The following PPP1R3F variants were observed in gnomAD, a reference collection of about 807,000 sequenced individuals.
PPP1R3F encodes protein phosphatase 1, regulatory (inhibitor) subunit 3F.
Under a neutral mutation model 24.2 loss-of-function variants are expected in PPP1R3F, and 29 were observed. The ratio of observed to expected loss-of-function variants is 1.20; its 90% CI spans 0.89 to 1.63. The LOEUF (loss-of-function observed/expected upper bound fraction) is 1.63, where lower values mean the gene tolerates loss of function less well. PPP1R3F is among the 40% of genes most tolerant of loss of function. The pLI, the probability that PPP1R3F is intolerant of heterozygous loss-of-function variation, is 0.00. For missense variants in PPP1R3F, 823 were observed against 729.3 expected (o/e 1.13, Z -1.48); for synonymous variants, 363 against 340.1 (o/e 1.07, Z -0.74).
At chrX:49,292,822 A>C (rs2066312770), downstream of PPP1R3F, among the ~76,000 whole-genome samples, 1 of 111,727 alleles carries the variant, frequency 9.0e-6, no homozygotes, top group Non-Finnish European at 1.9e-5. Context: ...CAGTCTCCTC[A>C]CCTGTGCAAT....
chrX:49,292,735 G>A (rs1034109740), downstream of PPP1R3F, among the ~76,000 whole-genome samples: 1 of 112,475 alleles, frequency 8.9e-6, no homozygotes, highest in Non-Finnish European at 1.9e-5. Flanking sequence ...GCTGTGGGGT[G>A]AGGCACGCCC....
Position 49,270,191 on chromosome X carries a change from C to A in PPP1R3F, c.322C>A (p.Pro108Thr). The change falls in exon 1 of 4, where the codon CCC (proline) becomes ACC (threonine). Residue 108 changes from proline to threonine, a missense_variant. Physicochemically the swap from Pro to Thr is conservative, Grantham distance 38. Transcript: ENST00000055335. ...CPEPSPLCPV[P>T]AGGGFYLVPT... ...CGAGCCCTCACCGCTGTGCCCCGTC[C>A]CCGCTGGCGGGGGGTTTTACCTGGT... is the stretch of plus-strand genomic sequence containing the variant. 9.1e-7 allele frequency: 1 copy of A among 1,096,587 alleles called. No individual in the cohort carries two copies. The highest frequency in any genetic ancestry group is 1.2e-6 in the Non-Finnish European group (1 of 847,019). 90.4% of individuals were successfully genotyped at this position (1,096,587 alleles called of 1,213,427 possible).
At position 49,270,483 on chromosome X, in the gene PPP1R3F, G is replaced by A; in HGVS notation, c.614G>A (p.Trp205Ter). Residue 205 changes from tryptophan to a stop codon, truncating the protein, a stop_gained, in exon 1 of 4, where the codon TGG becomes TAG. Transcript: ENST00000055335. LOFTEE classifies it high-confidence loss of function. ...CGCTACGTCCCGCGCAGCCCGCCGTGGGCAGGAGCGGGAGGAACAGGAGCA... is the reference window on the plus strand; with the variant it reads ...CGCTACGTCCCGCGCAGCCCGCCGTAGGCAGGAGCGGGAGGAACAGGAGCA... ...PARYVPRSPP[W>*]AGAGGTGAGD... The A allele has an allele frequency of 1.7e-6, 2 of 1,204,889 alleles. No homozygotes were observed. The highest frequency in any genetic ancestry group is 2.2e-6 in the Non-Finnish European group (2 of 894,854).
At chrX:49,295,782 C>CA (rs1185610587) in intron 3 of PPP1R3F, among the ~76,000 whole-genome samples, 1 of 102,822 alleles carries the variant, frequency 9.7e-6, no homozygotes, top group Non-Finnish European at 2.0e-5. Context: ...TTAAAAAAGA[C>CA]TTTTTTTTTT....
chrX:49,281,922 C>A, intron 2 of PPP1R3F, 59 bp from the exon 3 acceptor site: 1 of 931,443 alleles, frequency 1.1e-6, no homozygotes, highest in Non-Finnish European at 1.5e-6. Context: ...ATTTTCTTAA[C>A]AAAACCATAC....
Position 49,286,770 on chromosome X carries a change from G to C in PPP1R3F, c.2080G>C (p.Ala694Pro). The change falls in exon 4 of 4, where the codon GCC becomes CCC. Residue 694 changes from alanine (A) to proline (P), a missense_variant. Ala to Pro is a conservative substitution (Grantham distance 27). Coordinates refer to ENST00000055335, the MANE Select transcript of PPP1R3F (RefSeq NM_033215.5). The stretch of plus-strand genomic sequence containing the variant: ...GGATCCCATATCTGGCAAGGAGCCA[G>C]CCTCTCCCGTCCTTCTGCAGGGGCA... ...SLDPISGKEP[A>P]SPVLLQGQNP... is the part of the protein sequence containing the mutation. 8.3e-7 allele frequency: 1 copy of C among 1,202,747 alleles called. No homozygotes were observed.
At chrX:49,293,772 G>C (rs998767586) in intron 3 of PPP1R3F, among the ~76,000 whole-genome samples, 1 of 112,168 alleles carries the variant, frequency 8.9e-6, no homozygotes, top group Non-Finnish European at 1.9e-5. Context: ...GAGGTGGGAG[G>C]ATCACTTGAG....
intron 1 of PPP1R3F, among the ~76,000 whole-genome samples, chrX:49,276,161 A>G (rs1334490959): frequency 1.8e-5 from 2 of 112,882 alleles, no homozygotes; most frequent in African/African-American, 3.2e-5. Context: ...CTAGTGCTCC[A>G]GCTCTTAGCT....
downstream of PPP1R3F, among the ~76,000 whole-genome samples, chrX:49,291,288 T>TTCTCTCTCTCTCTCTCTCTCTCTCTCTC (rs781932322): frequency 1.2e-4 from 6 of 50,615 alleles, no homozygotes; most frequent in Admixed American, 2.0e-4. Flanking sequence ...CAGCCTACTT[T>TTCTCTCTCTCTCTCTCTCTCTCTCTCTC]TCTCTCTCTC....
In PPP1R3F at chrX:49,286,207, G is replaced by A; in HGVS notation, c.1517G>A (p.Gly506Asp). 1 of 1,206,682 alleles carries A rather than the reference G, an allele frequency of 8.3e-7. No individual in the cohort carries two copies. The highest frequency in any genetic ancestry group is 1.1e-6 in the Non-Finnish European group (1 of 893,092). Reference protein sequence around the residue: ...LSRLRAAVAAGGAGGGGEGST... With the variant: ...LSRLRAAVAADGAGGGGEGST... ...CGCCTACGGGCTGCTGTGGCTGCGG[G>A]TGGGGCAGGGGGTGGTGGGGAGGGC... Residue 506 changes from glycine to aspartate, a missense_variant, in exon 4 of 4, where the codon GGT (glycine) becomes GAT (aspartate). Transcript: ENST00000055335.
intron 3 of PPP1R3F, among the ~76,000 whole-genome samples, chrX:49,296,457 T>C (rs1569531201): frequency 9.0e-6 from 1 of 111,654 alleles, no homozygotes. Flanking sequence ...GTTAATCTTT[T>C]AAAAAAACCA....
intron 1 of PPP1R3F, among the ~76,000 whole-genome samples, chrX:49,276,985 T>A (rs1421971682): frequency 8.9e-6 from 1 of 112,540 alleles, no homozygotes; most frequent in African/African-American, 3.2e-5. Context: ...CTGCTGAGTT[T>A]CCCTTTGGGT....
intron 3 of PPP1R3F, among the ~76,000 whole-genome samples, chrX:49,282,670 G>A (rs2066256893): frequency 9.1e-6 from 1 of 109,332 alleles, no homozygotes; most frequent in African/African-American, 3.3e-5. Flanking sequence ...TAACGTGTGT[G>A]AGGGACAGTG....
intron 3 of PPP1R3F, among the ~76,000 whole-genome samples, chrX:49,282,443 C>G (rs905718156): frequency 5.4e-5 from 4 of 73,948 alleles, no homozygotes; most frequent in African/African-American, 2.2e-4. Context: ...GTGAGAGACT[C>G]TGTGTGTGTG....
Position 49,270,731 on chromosome X carries a change from G to T in PPP1R3F, c.862G>T (p.Ala288Ser). ...CAACTACACAGTCCTGCTCCGGATCGCACCCGCTCCCACACCCACTGATGC... is the reference window on the plus strand; with the variant it reads ...CAACTACACAGTCCTGCTCCGGATCTCACCCGCTCCCACACCCACTGATGC... The part of the protein sequence containing the change: ...GRNYTVLLRI[A>S]PAPTPTDAEG... The change falls in exon 1 of 4, where the codon GCA becomes TCA. Residue 288 changes from alanine to serine, a missense_variant. Transcript: ENST00000055335. 1 of 1,204,855 alleles carries T rather than the reference G, an allele frequency of 8.3e-7. No individual in the cohort carries two copies. Among genetic ancestry groups the T allele is most frequent in the African/African-American group, 1.7e-5 (1 of 57,823 alleles).
chrX:49,272,788 C>T (rs1224729992), intron 1 of PPP1R3F, among the ~76,000 whole-genome samples: 1 of 112,367 alleles, frequency 8.9e-6, no homozygotes, highest in African/African-American at 3.2e-5. Flanking sequence ...GCTGTGCATG[C>T]TGTGTTGTGT....
At chrX:49,294,582 A>G (rs1401017445) in intron 3 of PPP1R3F, among the ~76,000 whole-genome samples, 1 of 109,638 alleles carries the variant, frequency 9.1e-6, no homozygotes, top group African/African-American at 3.3e-5. Flanking sequence ...CTCATTTCTG[A>G]TCTTAGGGAG....
chrX:49,281,906 T>C (rs2066251105), intron 2 of PPP1R3F, 75 bp from the exon 3 acceptor site: 1 of 775,379 alleles, frequency 1.3e-6, no homozygotes, highest in African/African-American at 2.1e-5. Context: ...TTGGCTAGGA[T>C]GGCAGATTTT....
At position 49,286,406 on chromosome X, in the gene PPP1R3F, C is replaced by A. The variant is rs2066284511; in HGVS notation, c.1716C>A (p.Asp572Glu). 1.7e-6 allele frequency: 2 copies of A among 1,190,631 alleles called. No homozygotes were observed. Among genetic ancestry groups the A allele is most frequent in the African/African-American group, 1.8e-5 (1 of 57,090 alleles). ...RGVELIKDTE[D>E]PDDEGEGEEG... ...TGGAGCTCATCAAGGACACCGAAGACCCTGATGATGAAGGGGAGGGTGAAG... is the reference window on the plus strand; with the variant it reads ...TGGAGCTCATCAAGGACACCGAAGAACCTGATGATGAAGGGGAGGGTGAAG... The change falls in exon 4 of 4, where the codon GAC becomes GAA. Residue 572 changes from aspartate (D) to glutamate (E), a missense_variant. Physicochemically the swap from Asp to Glu is conservative, Grantham distance 45. Coordinates refer to ENST00000055335, the MANE Select transcript of PPP1R3F (RefSeq NM_033215.5).
Sources: gnomAD v4.1 joint callset for allele counts (sites outside exome capture counted in the v4.1 genomes callset) on GRCh38, gnomAD v4.1.1 for gene constraint, MANE v1.5 for transcripts, NCBI Gene and HGNC (gene_info 2026-07-23, HGNC 2026-07-21) for gene names.